Variants in LUZP2 observed in about 807,000 individuals in gnomAD.
LUZP2 encodes leucine zipper protein 2.
In LUZP2, 52 loss-of-function variants were observed where a neutral mutation model predicts 51.6. The ratio of observed to expected loss-of-function variants is 1.01; its 90% CI spans 0.81 to 1.27. LUZP2 has a LOEUF of 1.27. Among genes scored for constraint, LUZP2 ranks in the 50% most tolerant of loss-of-function variants. The pLI is 0.00. For synonymous variants in LUZP2, 154 were observed against 137.3 expected (o/e 1.12, Z -0.85); for missense variants, 436 against 395.4 (o/e 1.10, Z -0.87).
At chr11:24,692,103 T>C (rs1252553421) in intron 1 of LUZP2, among the ~76,000 whole-genome samples, 1 of 151,964 alleles carries the variant, frequency 6.6e-6, no homozygotes, top group African/African-American at 2.4e-5. Context: ...TTTTTTTTTC[T>C]ATTCTTATTT....
chr11:25,047,526 A>G (rs918291529), intron 9 of LUZP2, among the ~76,000 whole-genome samples: 1 of 151,940 alleles, frequency 6.6e-6, no homozygotes, highest in Admixed American at 6.6e-5. Flanking sequence ...CTTGCTAAAA[A>G]CATACCTTTT....
intron 1 of LUZP2, among the ~76,000 whole-genome samples, chr11:24,630,234 C>A (rs1352514143): frequency 6.6e-6 from 1 of 151,824 alleles, no homozygotes; most frequent in Non-Finnish European, 1.5e-5. Context: ...GTTGTTTGTG[C>A]TTTTCAGGTC....
At chr11:24,568,795 G>A (rs1181286037) in intron 1 of LUZP2, among the ~76,000 whole-genome samples, 2 of 151,938 alleles carry the variant, frequency 1.3e-5, no homozygotes, top group African/African-American at 4.8e-5. Context: ...CAGCTGGAGG[G>A]GTAGGATGAT....
chr11:24,546,059 G>A (rs1851530291), intron 1 of LUZP2, among the ~76,000 whole-genome samples: 1 of 151,926 alleles, frequency 6.6e-6, no homozygotes. Flanking sequence ...AAATGGGACT[G>A]CATTCATGAT....
At chr11:24,592,567 G>C (rs1021164382) in intron 1 of LUZP2, among the ~76,000 whole-genome samples, 5 of 152,014 alleles carry the variant, frequency 3.3e-5, no homozygotes, top group Non-Finnish European at 2.9e-5. Flanking sequence ...ATAACTGGAA[G>C]ACTTTCCTCA....
At chr11:25,047,356 CT>C (rs1298154895) in intron 9 of LUZP2, among the ~76,000 whole-genome samples, 4 of 48,270 alleles carry the variant, frequency 8.3e-5, no homozygotes, top group Admixed American at 2.0e-4. Context: ...TTTTTTTTTA[CT>C]TTTTAATTTT....
intron 5 of LUZP2, among the ~76,000 whole-genome samples, chr11:24,895,898 C>CT (rs964580998): frequency 2.4e-4 from 37 of 152,156 alleles, no homozygotes; most frequent in African/African-American, 8.7e-4. Flanking sequence ...CTTTTAAGTT[C>CT]TTTGAGAAAT....
intron 1 of LUZP2, among the ~76,000 whole-genome samples, chr11:24,500,826 T>C (rs556186636): frequency 1.2e-4 from 19 of 152,280 alleles, no homozygotes; most frequent in Middle Eastern, 3.4e-3. Context: ...TCCTGGACTG[T>C]CTGATCAGCA....
At chr11:24,847,471 G>A (rs1281884396) in intron 5 of LUZP2, among the ~76,000 whole-genome samples, 1 of 152,070 alleles carries the variant, frequency 6.6e-6, no homozygotes, top group Non-Finnish European at 1.5e-5. Flanking sequence ...CCGTTCTCAG[G>A]CCATGCCTTC....
intron 9 of LUZP2, among the ~76,000 whole-genome samples, chr11:24,994,485 A>G (rs1481281853): frequency 6.6e-6 from 1 of 152,188 alleles, no homozygotes; most frequent in African/African-American, 2.4e-5. Flanking sequence ...CCATTAATCT[A>G]TATGCCTATC....
chr11:24,989,532 G>T (rs1856275757), intron 9 of LUZP2, among the ~76,000 whole-genome samples: 1 of 152,070 alleles, frequency 6.6e-6, no homozygotes, highest in Non-Finnish European at 1.5e-5. Context: ...TCAATTCAAA[G>T]GTGTAGCATT....
At chr11:24,973,364 G>GGTTTT in intron 7 of LUZP2, among the ~76,000 whole-genome samples, 1 of 102,998 alleles carries the variant, frequency 9.7e-6, no homozygotes, top group East Asian at 3.9e-4. Context: ...ATATTTATTA[G>GGTTTT]TTTTTTTTTT....
At chr11:24,858,745 C>G (rs556275444) in intron 5 of LUZP2, among the ~76,000 whole-genome samples, 1 of 152,268 alleles carries the variant, frequency 6.6e-6, no homozygotes, top group South Asian at 2.1e-4. Flanking sequence ...TTCAGTGGTG[C>G]TGAGCTGGCA....
intron 1 of LUZP2, among the ~76,000 whole-genome samples, chr11:24,587,199 T>C (rs986705105): frequency 6.6e-5 from 10 of 152,262 alleles, no homozygotes; most frequent in Middle Eastern, 6.8e-3. Flanking sequence ...ATGTATTTTA[T>C]CATAGCTTTG....
chr11:24,999,978 C>T (rs1208370986), intron 9 of LUZP2, among the ~76,000 whole-genome samples: 1 of 152,050 alleles, frequency 6.6e-6, no homozygotes, highest in Admixed American at 6.6e-5. Flanking sequence ...GCTCTAGTGG[C>T]CAGCTTTTAT....
At chr11:24,735,231 TGA>T (rs1858889568) in intron 3 of LUZP2, among the ~76,000 whole-genome samples, 1 of 151,604 alleles carries the variant, frequency 6.6e-6, no homozygotes, top group Non-Finnish European at 1.5e-5. Context: ...AGTGAGAAAA[TGA>T]GAGTCATGTT....
intron 5 of LUZP2, among the ~76,000 whole-genome samples, chr11:24,832,752 C>T (rs1850738735): frequency 6.6e-6 from 1 of 151,734 alleles, no homozygotes; most frequent in African/African-American, 2.4e-5. Flanking sequence ...GAGAAGTTTT[C>T]AAAATGTTCA....
intron 9 of LUZP2, among the ~76,000 whole-genome samples, chr11:25,010,806 C>A (rs1856963703): frequency 6.6e-6 from 1 of 152,016 alleles, no homozygotes; most frequent in Non-Finnish European, 1.5e-5. Context: ...AAGATCGCAC[C>A]ATTGCACTCC....
Position 24,921,341 on chromosome 11 carries a change from T to G in LUZP2, c.522+6803T>G, listed in dbSNP as rs137999236. Among the ~76,000 whole-genome samples, 725 of 152,276 alleles carry G rather than the reference T, an allele frequency of 4.8e-3. 6 individuals are homozygous for G. Among genetic ancestry groups the G allele is most frequent in the African/African-American group, 0.012 (507 of 41,568 alleles). On this transcript the variant is annotated intron_variant, in intron 7 of 11. Transcript: ENST00000336930. The stretch of plus-strand genomic sequence containing the variant: ...TTGGTTTGACCAGGTGTGTCATTTA[T>G]GTAGCTTCCAGAAACCTGGCCCTCC...
Sources: gnomAD v4.1 joint callset for allele counts (sites outside exome capture counted in the v4.1 genomes callset) on GRCh38, gnomAD v4.1.1 for gene constraint, MANE v1.5 for transcripts, NCBI Gene and HGNC (gene_info 2026-07-23, HGNC 2026-07-21) for gene names.